ITPR2: variants seen among roughly 807,000 people sequenced by gnomAD.
The protein encoded by ITPR2 is inositol 1,4,5-trisphosphate receptor type 2.
Under a neutral mutation model 317.1 loss-of-function variants are expected in ITPR2, and 207 were observed. That is an observed-to-expected ratio of 0.65 (90% confidence interval 0.58 to 0.73). ITPR2 has a LOEUF of 0.73. Among genes scored for constraint, ITPR2 ranks in the 30% least tolerant of loss-of-function variants. The probability of loss-of-function intolerance (pLI) is 0.00; values close to 1 mark genes in which losing one functional copy is unlikely to be tolerated. For missense variants in ITPR2, 2,613 were observed against 3,284.0 expected (o/e 0.80, Z 4.99); for synonymous variants, 1,156 against 1,149.1 (o/e 1.01, Z -0.12).
chr12:26,531,446 T>C (rs966173370), intron 37 of ITPR2, among the ~76,000 whole-genome samples: 14 of 152,208 alleles, frequency 9.2e-5, no homozygotes, highest in Non-Finnish European at 1.8e-4. Flanking sequence ...CAAGTATAAA[T>C]AGTGGCTTCT....
chr12:26,645,376 T>C (rs1214085973), intron 21 of ITPR2, among the ~76,000 whole-genome samples: 4 of 152,208 alleles, frequency 2.6e-5, no homozygotes, highest in Non-Finnish European at 5.9e-5. Flanking sequence ...TCCTGCCTTT[T>C]CTTAGAGTCT....
intron 45 of ITPR2, among the ~76,000 whole-genome samples, chr12:26,459,298 G>A (rs149123051): frequency 1.3e-5 from 2 of 152,286 alleles, no homozygotes; most frequent in South Asian, 2.1e-4. Flanking sequence ...TCTTCTCCAG[G>A]TTTTAGAACT....
intron 1 of ITPR2, among the ~76,000 whole-genome samples, chr12:26,819,080 G>C (rs2137287784): frequency 1.3e-5 from 2 of 152,274 alleles, no homozygotes; most frequent in Middle Eastern, 6.8e-3. Flanking sequence ...ATCTAGCAAA[G>C]AGCATTATAG....
intron 46 of ITPR2, among the ~76,000 whole-genome samples, chr12:26,441,514 G>T (rs539684835): frequency 2.0e-5 from 3 of 152,276 alleles, no homozygotes; most frequent in Admixed American, 2.0e-4. Flanking sequence ...TAACCAAACT[G>T]CTGTGGAAGC....
At chr12:26,385,279 CAAG>C (rs1238074556) in intron 55 of ITPR2, among the ~76,000 whole-genome samples, 1 of 152,180 alleles carries the variant, frequency 6.6e-6, no homozygotes. Flanking sequence ...TCAAAATCAA[CAAG>C]AATTCTTCTC....
chr12:26,579,467 A>T (rs1211726721), intron 33 of ITPR2, among the ~76,000 whole-genome samples: 1 of 152,094 alleles, frequency 6.6e-6, no homozygotes, highest in Non-Finnish European at 1.5e-5. Flanking sequence ...ACAAATTTGG[A>T]TAATACTATA....
At chr12:26,512,104 G>A (rs1943364014) in intron 37 of ITPR2, among the ~76,000 whole-genome samples, 1 of 151,046 alleles carries the variant, frequency 6.6e-6, no homozygotes, top group African/African-American at 2.4e-5. Flanking sequence ...AAATGACTAA[G>A]CCAACGGGAA....
chr12:26,483,293 C>A (rs1021329086), intron 42 of ITPR2, among the ~76,000 whole-genome samples: 1 of 152,172 alleles, frequency 6.6e-6, no homozygotes. Flanking sequence ...TATTCATCAG[C>A]AAACTAGAAA....
At chr12:26,665,254 G>A (rs1481396631) in intron 14 of ITPR2, among the ~76,000 whole-genome samples, 1 of 152,198 alleles carries the variant, frequency 6.6e-6, no homozygotes, top group Non-Finnish European at 1.5e-5. Flanking sequence ...GAAGTAGGAA[G>A]CAGATGGAGA....
At chr12:26,444,527 A>T (rs1490357456) in intron 45 of ITPR2, among the ~76,000 whole-genome samples, 1 of 152,092 alleles carries the variant, frequency 6.6e-6, no homozygotes, top group Non-Finnish European at 1.5e-5. Context: ...CAAGTACATG[A>T]TCTTATTTGA....
At chr12:26,484,543 G>A (rs898604517) in intron 41 of ITPR2, among the ~76,000 whole-genome samples, 1 of 151,986 alleles carries the variant, frequency 6.6e-6, no homozygotes, top group African/African-American at 2.4e-5. Context: ...TCATATGTAT[G>A]GTAATGTGAC....
intron 1 of ITPR2, among the ~76,000 whole-genome samples, chr12:26,791,490 G>T (rs1248136138): frequency 6.6e-6 from 1 of 152,054 alleles, no homozygotes; most frequent in African/African-American, 2.4e-5. Flanking sequence ...TTGGTTCCTA[G>T]TTTATCTAGT....
chr12:26,346,788 A>G (rs1717752383), intron 55 of ITPR2, among the ~76,000 whole-genome samples: 1 of 152,192 alleles, frequency 6.6e-6, no homozygotes, highest in Admixed American at 6.5e-5. Flanking sequence ...GCTATAAGAT[A>G]TAAGGAGGAA....
chr12:26,669,682 G>GC (rs1193234660), intron 13 of ITPR2, among the ~76,000 whole-genome samples: 1 of 152,230 alleles, frequency 6.6e-6, no homozygotes, highest in Non-Finnish European at 1.5e-5. Flanking sequence ...ACTAGGGAGT[G>GC]CCAGACAGTG....
intron 37 of ITPR2, among the ~76,000 whole-genome samples, chr12:26,524,087 A>C (rs959975334): frequency 3.3e-5 from 5 of 152,244 alleles, no homozygotes; most frequent in Non-Finnish European, 7.3e-5. Context: ...CACACAGTAC[A>C]CAAGATTATA....
chr12:26,343,114 C>A (rs566011378), intron 55 of ITPR2, among the ~76,000 whole-genome samples: 2 of 152,202 alleles, frequency 1.3e-5, no homozygotes, highest in South Asian at 4.2e-4. Context: ...TCTTGTGTAG[C>A]TTTCAGAACC....
intron 26 of ITPR2, among the ~76,000 whole-genome samples, chr12:26,610,258 G>A (rs1364604018): frequency 6.6e-6 from 1 of 152,196 alleles, no homozygotes; most frequent in African/African-American, 2.4e-5. Context: ...GAAGAAACAA[G>A]TTTATGTAGA....
At chr12:26,713,222 C>G (rs140942660) in intron 8 of ITPR2, among the ~76,000 whole-genome samples, 5 of 152,194 alleles carry the variant, frequency 3.3e-5, no homozygotes, top group South Asian at 2.1e-4. Flanking sequence ...CCATGTCCCC[C>G]ACTCCACATT....
intron 55 of ITPR2, 37 bp downstream of exon 55, chr12:26,387,397 C>A (rs758321466): frequency 2.5e-6 from 4 of 1,597,618 alleles, no homozygotes; most frequent in Admixed American, 1.7e-5. Context: ...CTAAAAGATA[C>A]AATATAGTCA....
Sources: allele counts gnomAD v4.1 joint callset (sites outside exome capture counted in the v4.1 genomes callset), GRCh38; gene constraint gnomAD v4.1.1; transcripts MANE v1.5; gene names NCBI Gene and HGNC (gene_info 2026-07-23, HGNC 2026-07-21).